Variants in USP47 observed in about 807,000 individuals in gnomAD.
The protein encoded by USP47 is ubiquitin carboxyl-terminal hydrolase 47.
Under a neutral mutation model 165.1 loss-of-function variants are expected in USP47, and 35 were observed. That is an observed-to-expected ratio of 0.21 (90% CI 0.16 to 0.28). The LOEUF (loss-of-function observed/expected upper bound fraction) is 0.28, where lower values mean the gene tolerates loss of function less well. Ranked by LOEUF, USP47 falls within the 10% of genes least tolerant of loss-of-function variation. USP47 has a pLI of 1.00. For missense variants in USP47, 1,277 were observed against 1,607.4 expected, an observed-to-expected ratio of 0.79 and a Z score of 3.52; for synonymous variants, 531 against 544.5, an observed-to-expected ratio of 0.98 and a Z score of 0.35.
chr11:11,957,255 C>T lies in USP47; in HGVS notation c.*1080C>T, dbSNP rs887173033. The T allele has an allele frequency of 6.7e-6, 1 of 149,426 alleles. No homozygotes were observed. Among genetic ancestry groups the T allele is most frequent in the South Asian group, 2.1e-4 (1 of 4,680 alleles). The allele number at this position is 149,426 out of a possible 1,614,324, so 9.3% of individuals were successfully genotyped here. A position where few individuals can be genotyped will look rare whatever the true frequency, so the allele number is the denominator to read the frequency against. On this transcript the variant is annotated 3_prime_UTR_variant, in exon 28 of 28. Coordinates refer to ENST00000527733, the MANE Select transcript of USP47 (RefSeq NM_001282659.2). The stretch of plus-strand genomic sequence containing the variant: ...ATGTAGTTTAACTTTTGGGAAACGT[C>T]TTAACATTGTTCTGAATAAACTTGC...
chr11:11,912,719 T>TA (rs1438628807), intron 8 of USP47, among the ~76,000 whole-genome samples: 5 of 151,774 alleles, frequency 3.3e-5, no homozygotes, highest in East Asian at 1.9e-4. Flanking sequence ...AGACAGTTCT[T>TA]AAAAAAAACA....
chr11:11,844,023 T>C lies in USP47; in HGVS notation c.39+1799T>C, dbSNP rs1459624823. ...CATGATCTGTGGTTCTTACCTTTTA[T>C]AGCTAGCCAACTAGCTTTTTCTTCT... is the stretch of plus-strand genomic sequence containing the variant. On this transcript the variant is annotated intron_variant, in intron 1 of 27. Coordinates refer to ENST00000527733, the MANE Select transcript of USP47 (RefSeq NM_001282659.2). Among the ~76,000 whole-genome samples the C allele has an allele frequency of 3.9e-5, 6 of 152,232 alleles. No individual in the cohort carries two copies. The South Asian group carries it at 1.2e-3, about 31-fold the overall frequency.
At position 11,933,856 on chromosome 11, in the gene USP47, C is replaced by T; in HGVS notation, c.1790C>T (p.Thr597Ile). The T allele has an allele frequency of 6.2e-7, 1 of 1,608,718 alleles. No homozygotes were observed. The highest frequency in any genetic ancestry group is 1.3e-5 in the African/African-American group (1 of 74,728). The change falls in exon 16 of 28, where the codon ACA becomes ATA. Residue 597 changes from threonine to isoleucine, a missense_variant. This residue lies in a region of USP47 where 909 missense variants were observed against 1,068.1 expected (regional missense o/e 0.85). Transcript: ENST00000527733. Reference sequence around the variant, plus strand: ...ATAAAATTATTCTGTTTGCATCCTACAAAACAAGTAATGATGGAAAATAAA... The same window carrying T: ...ATAAAATTATTCTGTTTGCATCCTATAAAACAAGTAATGATGGAAAATAAA... ...CKIKLFCLHP[T>I]KQVMMENKLE... is the part of the protein sequence containing the mutation.
chr11:11,942,288 C>G (rs763680713), intron 19 of USP47, 47 bp from the exon 20 acceptor site: 6 of 1,504,858 alleles, frequency 4.0e-6, no homozygotes, highest in South Asian at 1.4e-5. Flanking sequence ...GATGAATGAG[C>G]ATGTCACTAA....
At chr11:11,912,281 G>A (rs942849364) in intron 8 of USP47, among the ~76,000 whole-genome samples, 2 of 151,926 alleles carry the variant, frequency 1.3e-5, no homozygotes, top group Non-Finnish European at 2.9e-5. Context: ...AAAACAAAGG[G>A]CTGGCTCTTT....
chr11:11,851,701 A>G (rs1848736920), intron 1 of USP47, among the ~76,000 whole-genome samples: 1 of 152,056 alleles, frequency 6.6e-6, no homozygotes, highest in Non-Finnish European at 1.5e-5. Context: ...AGGATACCAC[A>G]TTGCATTTGG....
intron 8 of USP47, among the ~76,000 whole-genome samples, chr11:11,906,891 A>G (rs1448244688): frequency 2.6e-5 from 4 of 152,172 alleles, no homozygotes; most frequent in African/African-American, 9.7e-5. Context: ...CATTTCTCTG[A>G]CAAAATATAC....
intron 3 of USP47, among the ~76,000 whole-genome samples, chr11:11,889,349 C>T (rs185662644): frequency 6.6e-6 from 1 of 152,120 alleles, no homozygotes; most frequent in Non-Finnish European, 1.5e-5. Flanking sequence ...AGCTGATAAG[C>T]AACTTCAGCA....
Position 11,949,889 on chromosome 11 carries a change from C to T in USP47, c.3349C>T (p.Pro1117Ser). 1 of 1,600,278 alleles carries T rather than the reference C, an allele frequency of 6.2e-7. No homozygotes were observed. The highest frequency in any genetic ancestry group is 8.6e-7 in the Non-Finnish European group (1 of 1,169,408). The change falls in exon 23 of 28, where the codon CCA (proline) becomes TCA (serine). Residue 1117 changes from proline (P) to serine (S), a missense_variant and splice_region_variant. This residue lies in a region of USP47 where 909 missense variants were observed against 1,068.1 expected (regional missense o/e 0.85). Coordinates refer to ENST00000527733, the MANE Select transcript of USP47 (RefSeq NM_001282659.2). ...VYQLLVNEQEPCKFLLDAVFA... is the reference protein window; with the variant it reads ...VYQLLVNEQESCKFLLDAVFA... ...TGATTGTTTATGTTTATATTTCTAG[C>T]CATGCAAGTTTCTGCTAGATGCTGT...
chr11:11,937,400 A>G (rs1272893186), intron 17 of USP47, among the ~76,000 whole-genome samples: 1 of 151,784 alleles, frequency 6.6e-6, no homozygotes, highest in Admixed American at 6.6e-5. Flanking sequence ...GATCCTGTAT[A>G]TCTCCTTTTT....
At chr11:11,940,325 G>C in intron 18 of USP47, 104 bp from the exon 19 acceptor site, 2 of 1,191,818 alleles carry the variant, frequency 1.7e-6, no homozygotes, top group Non-Finnish European at 2.3e-6. Context: ...GTTTCTCTCT[G>C]CTGCTTTTAA....
At chr11:11,931,805 A>G (rs1854686738) in intron 14 of USP47, among the ~76,000 whole-genome samples, 1 of 152,168 alleles carries the variant, frequency 6.6e-6, no homozygotes. Flanking sequence ...AAATGGTGTC[A>G]TAATTTCATA....
rs145230767 is a variant in USP47 at position 11,922,310 on chromosome 11, G to A, written c.1219-414G>A. ...GTAATACCTAACGCACTGATAAACC[G>A]AGTTGGACTTTTTGTTCAAGAAAAG... On this transcript the variant is annotated intron_variant, in intron 10 of 27. Coordinates refer to ENST00000527733, the MANE Select transcript of USP47 (RefSeq NM_001282659.2). 7.5e-3 allele frequency among the ~76,000 whole-genome samples: 1,140 copies of A among 151,964 alleles called. 18 individuals are homozygous for A. The highest frequency in any genetic ancestry group is 0.026 in the African/African-American group (1,093 of 41,492).
At chr11:11,899,487 G>A (rs1243043570) in intron 5 of USP47, among the ~76,000 whole-genome samples, 2 of 152,108 alleles carry the variant, frequency 1.3e-5, no homozygotes, top group African/African-American at 2.4e-5. Flanking sequence ...CTATATATAA[G>A]CTCATTTCAC....
intron 1 of USP47, among the ~76,000 whole-genome samples, chr11:11,874,969 C>T (rs891998607): frequency 6.6e-6 from 1 of 151,834 alleles, no homozygotes; most frequent in African/African-American, 2.4e-5. Context: ...GATGGGAATG[C>T]TCTAAGGCCT....
chr11:11,892,593 T>C (rs1301108446), intron 4 of USP47, among the ~76,000 whole-genome samples: 2 of 151,364 alleles, frequency 1.3e-5, no homozygotes, highest in Non-Finnish European at 3.0e-5. Context: ...GGAAGATTGC[T>C]TGAGCCCGGG....
At chr11:11,882,471 T>C (rs1213341737) in intron 2 of USP47, among the ~76,000 whole-genome samples, 1 of 152,188 alleles carries the variant, frequency 6.6e-6, no homozygotes, top group African/African-American at 2.4e-5. Flanking sequence ...TGTTTTAAAC[T>C]GAAATTAACC....
In USP47 at chr11:11,948,484, A is replaced by G. The variant is rs778923671; in HGVS notation, c.3274A>G (p.Ile1092Val). 14 of 1,612,082 alleles carry G rather than the reference A, an allele frequency of 8.7e-6. No individual in the cohort carries two copies. The South Asian group carries it at 1.5e-4, about 18-fold the overall frequency. ...AAATGTTTTTAACTTATAGATTACA[A>G]TTAGACTGGGGAGAGCACTTAAAAA... is the stretch of plus-strand genomic sequence containing the variant. Reference protein sequence around the residue: ...SSFSDDNKITIRLGRALKKGE... With the variant: ...SSFSDDNKITVRLGRALKKGE... Residue 1092 changes from isoleucine (I) to valine (V), a missense_variant, in exon 22 of 28, where the codon ATT (isoleucine) becomes GTT (valine). Coordinates refer to ENST00000527733, the MANE Select transcript of USP47 (RefSeq NM_001282659.2).
intron 8 of USP47, among the ~76,000 whole-genome samples, chr11:11,909,570 T>C (rs1295904797): frequency 6.6e-6 from 1 of 152,204 alleles, no homozygotes; most frequent in Non-Finnish European, 1.5e-5. Context: ...ACACTGTCTT[T>C]TTATTGGTGT....
Sources: gnomAD v4.1 joint callset for allele counts (sites outside exome capture counted in the v4.1 genomes callset) on GRCh38, gnomAD v4.1.1 for gene constraint, gnomAD v4.1.1 regional missense constraint, MANE v1.5 for transcripts, NCBI Gene and HGNC (gene_info 2026-07-23, HGNC 2026-07-21) for gene names.